Variants in TRAT1 observed in about 807,000 individuals in gnomAD.
TRAT1 encodes T cell receptor associated transmembrane adaptor 1.
A neutral mutation model predicts 20.0 loss-of-function variants in TRAT1; 20 were observed. The observed-to-expected ratio is 1.00, with a 90% confidence interval of 0.70 to 1.45. TRAT1 has a LOEUF of 1.45. Among genes scored for constraint, TRAT1 ranks in the 40% most tolerant of loss-of-function variants. The probability of loss-of-function intolerance (pLI) is 0.00; values close to 1 mark genes in which losing one functional copy is unlikely to be tolerated. For synonymous variants in TRAT1, 77 were observed against 74.2 expected (o/e 1.04, Z -0.20); for missense variants, 237 against 224.1 (o/e 1.06, Z -0.37).
chr3:108,835,392 A>C (rs1052992879), intron 2 of TRAT1, among the ~76,000 whole-genome samples: 2 of 152,210 alleles, frequency 1.3e-5, no homozygotes, highest in Non-Finnish European at 2.9e-5. Flanking sequence ...AATGTCATTG[A>C]AATCACCAGG....
Position 108,853,664 on chromosome 3 carries a change from C to A in TRAT1, c.348C>A (p.Ser116Arg). The change falls in exon 6 of 6, where the codon AGC (serine) becomes AGA (arginine). Residue 116 changes from serine to arginine, a missense_variant. By Grantham distance (110) the Ser-to-Arg change is moderately radical. Transcript: ENST00000295756. Reference protein sequence around the residue: ...TQMCYASLDHSVKGKRRKPRK... With the variant: ...TQMCYASLDHRVKGKRRKPRK... ...TGTGCTACGCCTCACTTGATCACAG[C>A]GTTAAGGGGAAGCGTAGAAAGCCCA... The A allele has an allele frequency of 6.2e-7, 1 of 1,614,004 alleles. No homozygotes were observed. Among genetic ancestry groups the A allele is most frequent in the Non-Finnish European group, 8.5e-7 (1 of 1,179,942 alleles).
In TRAT1 at chr3:108,831,838, C is replaced by T. The variant is rs570970115; in HGVS notation, c.118+1058C>T. On this transcript the variant is annotated intron_variant, in intron 2 of 5. Transcript: ENST00000295756. Reference sequence around the variant, plus strand: ...GATTACAGGTGTGAGCAACCACGCCCAGCCTGGAAGGTGTTTAAATACCAA... The same window carrying T: ...GATTACAGGTGTGAGCAACCACGCCTAGCCTGGAAGGTGTTTAAATACCAA... 2.6e-5 allele frequency among the ~76,000 whole-genome samples: 4 copies of T among 152,170 alleles called. No homozygotes were observed. In the East Asian group the frequency reaches 7.7e-4, roughly 29 times the overall value.
chr3:108,827,378 GTGTGTA>G (rs1306423043), intron 1 of TRAT1, among the ~76,000 whole-genome samples: 70 of 100,682 alleles, frequency 7.0e-4, no homozygotes, highest in African/African-American at 2.1e-3. Flanking sequence ...TATAAAGTAT[GTGTGTA>G]TGTGTGTGTG....
chr3:108,853,516 A>G, intron 5 of TRAT1, 104 bp from the exon 6 acceptor site: 1 of 1,377,058 alleles, frequency 7.3e-7, no homozygotes, highest in Non-Finnish European at 9.9e-7. Flanking sequence ...AAGGTAGGTG[A>G]GGCCTAGAAA....
At chr3:108,833,954 G>T (rs1945817552) in intron 2 of TRAT1, among the ~76,000 whole-genome samples, 2 of 152,046 alleles carry the variant, frequency 1.3e-5, no homozygotes, top group African/African-American at 4.8e-5. Context: ...GATCTACTAT[G>T]GCTATATGTC....
intron 3 of TRAT1, among the ~76,000 whole-genome samples, chr3:108,840,511 T>C (rs1480434358): frequency 6.7e-6 from 1 of 148,684 alleles, no homozygotes; most frequent in Non-Finnish European, 1.5e-5. Flanking sequence ...CTCAAAGCAA[T>C]CAGGCTTTTA....
Position 108,849,257 on chromosome 3 carries a change from G to A in TRAT1, c.303+3G>A. Reference sequence around the variant, plus strand: ...AGGAAGCCACCCCATCTGCACAGGTGAGTTTTGTTTTCTGTTTCCACATTT... The same window carrying A: ...AGGAAGCCACCCCATCTGCACAGGTAAGTTTTGTTTTCTGTTTCCACATTT... On this transcript the variant is annotated splice_donor_region_variant and intron_variant, in intron 5 of 5. Transcript: ENST00000295756. 6.2e-7 allele frequency: 1 copy of A among 1,612,784 alleles called. No homozygotes were observed. The highest frequency in any genetic ancestry group is 1.1e-5 in the South Asian group (1 of 90,864).
intron 2 of TRAT1, among the ~76,000 whole-genome samples, chr3:108,831,242 A>G (rs1945789767): frequency 6.6e-6 from 1 of 152,214 alleles, no homozygotes; most frequent in Non-Finnish European, 1.5e-5. Context: ...CTGGAAAAGG[A>G]AGAGATTGAA....
chr3:108,837,138 C>T (rs1438498277), intron 2 of TRAT1, among the ~76,000 whole-genome samples: 2 of 152,088 alleles, frequency 1.3e-5, no homozygotes, highest in African/African-American at 4.8e-5. Flanking sequence ...TATGTTTTAG[C>T]CTCTCTAGGC....
At chr3:108,841,672 C>T (rs1576522401) in intron 3 of TRAT1, among the ~76,000 whole-genome samples, 1 of 152,124 alleles carries the variant, frequency 6.6e-6, no homozygotes, top group African/African-American at 2.4e-5. Flanking sequence ...CATCTTATTT[C>T]TCTGTTTCCC....
intron 1 of TRAT1, 119 bp from the exon 2 acceptor site, chr3:108,830,551 G>T (rs1014954312): frequency 7.5e-6 from 5 of 667,348 alleles, no homozygotes; most frequent in South Asian, 2.1e-5. Context: ...TTAGTTTCCC[G>T]GTAGAGACTG....
At chr3:108,852,875 C>A (rs1266308374) in intron 5 of TRAT1, among the ~76,000 whole-genome samples, 1 of 152,214 alleles carries the variant, frequency 6.6e-6, no homozygotes, top group Non-Finnish European at 1.5e-5. Flanking sequence ...CTTTCCAATG[C>A]CAAATTCAAG....
chr3:108,830,580 A>G (rs1559820430), intron 1 of TRAT1, 90 bp from the exon 2 acceptor site: 2 of 828,608 alleles, frequency 2.4e-6, no homozygotes, highest in Non-Finnish European at 4.2e-6. Flanking sequence ...ATTATGAATA[A>G]ATGCAACAGC....
intron 5 of TRAT1, among the ~76,000 whole-genome samples, chr3:108,849,469 G>C (rs1047522758): frequency 6.6e-6 from 1 of 151,982 alleles, no homozygotes; most frequent in Non-Finnish European, 1.5e-5. Context: ...AGATTTTAAG[G>C]GAATAATAGG....
chr3:108,842,562 C>A (rs542094239), intron 3 of TRAT1, among the ~76,000 whole-genome samples: 1 of 152,252 alleles, frequency 6.6e-6, no homozygotes, highest in African/African-American at 2.4e-5. Flanking sequence ...TACAAATAAT[C>A]ATAACCCAAG....
In TRAT1 at chr3:108,853,840, T is replaced by C; in HGVS notation, c.524T>C (p.Phe175Ser). Residue 175 changes from phenylalanine to serine, a missense_variant, in exon 6 of 6, where the codon TTT (phenylalanine) becomes TCT (serine). Physicochemically the swap from Phe to Ser is radical, Grantham distance 155. Transcript: ENST00000295756. ...ENIHDDPIRLFGLIRAKREPI... is the reference protein window; with the variant it reads ...ENIHDDPIRLSGLIRAKREPI... The stretch of plus-strand genomic sequence containing the variant: ...ATTCATGATGATCCCATCAGACTGT[T>C]TGGATTGATCCGTGCTAAGAGAGAA... 6.2e-7 allele frequency: 1 copy of C among 1,614,102 alleles called. No homozygotes were observed. Among genetic ancestry groups the C allele is most frequent in the Non-Finnish European group, 8.5e-7 (1 of 1,179,968 alleles).
chr3:108,831,830 A>G (rs780055508), intron 2 of TRAT1, among the ~76,000 whole-genome samples: 1 of 152,104 alleles, frequency 6.6e-6, no homozygotes, highest in Non-Finnish European at 1.5e-5. Context: ...GGTGTGAGCA[A>G]CCACGCCCAG....
At chr3:108,829,350 G>A (rs373530807) in intron 1 of TRAT1, among the ~76,000 whole-genome samples, 6 of 152,188 alleles carry the variant, frequency 3.9e-5, no homozygotes, top group Admixed American at 1.3e-4. Context: ...TTGGGAGGCC[G>A]AGGTGGGCAG....
chr3:108,832,821 A>C (rs1945806136), intron 2 of TRAT1, among the ~76,000 whole-genome samples: 1 of 152,202 alleles, frequency 6.6e-6, no homozygotes, highest in African/African-American at 2.4e-5. Context: ...CAACCTTAAT[A>C]GTCAATTTTT....
Sources: allele counts gnomAD v4.1 joint callset (sites outside exome capture counted in the v4.1 genomes callset), GRCh38; gene constraint gnomAD v4.1.1; transcripts MANE v1.5; gene names NCBI Gene and HGNC (gene_info 2026-07-23, HGNC 2026-07-21).